Variants in CLASP2 observed in about 807,000 individuals in gnomAD.
CLASP2 encodes CLIP-associating protein 2.
In CLASP2, 47 loss-of-function variants were observed where a neutral mutation model predicts 194.4. The observed-to-expected ratio is 0.24, with a 90% CI of 0.19 to 0.31. The LOEUF (loss-of-function observed/expected upper bound fraction) is 0.31. Among genes scored for constraint, CLASP2 ranks in the 10% least tolerant of loss-of-function variants. CLASP2 has a pLI of 1.00. For synonymous variants in CLASP2, 619 were observed against 633.5 expected (o/e 0.98, Z 0.34); for missense variants, 1,445 against 1,823.6 (o/e 0.79, Z 3.78).
At chr3:33,645,769 G>A (rs2082163234) in intron 7 of CLASP2, among the ~76,000 whole-genome samples, 1 of 152,128 alleles carries the variant, frequency 6.6e-6, no homozygotes, top group South Asian at 2.1e-4. Flanking sequence ...TCATTACTGT[G>A]CATAATTAAC....
chr3:33,527,792 T>A (rs949799143), intron 34 of CLASP2, among the ~76,000 whole-genome samples: 2 of 152,128 alleles, frequency 1.3e-5, no homozygotes, highest in South Asian at 2.1e-4. Flanking sequence ...TTAAAACCCA[T>A]CTTTACTAAA....
At chr3:33,707,811 A>G (rs2092764192) in intron 1 of CLASP2, among the ~76,000 whole-genome samples, 1 of 152,238 alleles carries the variant, frequency 6.6e-6, no homozygotes, top group South Asian at 2.1e-4. Context: ...GAAAATCTAC[A>G]CAAATAAAAC....
chr3:33,671,175 G>T (rs2087113232), intron 6 of CLASP2, among the ~76,000 whole-genome samples: 1 of 152,102 alleles, frequency 6.6e-6, no homozygotes, highest in African/African-American at 2.4e-5. Flanking sequence ...GAAACACTTA[G>T]AAACATTTGT....
At chr3:33,588,333 C>T (rs2067891283) in intron 21 of CLASP2, among the ~76,000 whole-genome samples, 1 of 152,060 alleles carries the variant, frequency 6.6e-6, no homozygotes, top group Non-Finnish European at 1.5e-5. Flanking sequence ...CATGATGTAT[C>T]CAAGGAATAG....
intron 13 of CLASP2, among the ~76,000 whole-genome samples, chr3:33,610,880 C>G (rs2075035993): frequency 6.6e-6 from 1 of 152,302 alleles, no homozygotes; most frequent in South Asian, 2.1e-4. Context: ...CAGCTTCTTC[C>G]TAACACAGTA....
chr3:33,601,180 T>C (rs1560245536), intron 18 of CLASP2, among the ~76,000 whole-genome samples: 1 of 152,100 alleles, frequency 6.6e-6, no homozygotes, highest in Non-Finnish European at 1.5e-5. Context: ...CAGGATGGTC[T>C]CGATCTCCTG....
In CLASP2 at chr3:33,516,089, T is replaced by C. The variant is rs779016494; in HGVS notation, c.4044A>G (p.Arg1348=). The part of the protein sequence containing the change: ...LREILRHQPA[R]FKNYAELTVM... The stretch of plus-strand genomic sequence containing the variant: ...CAGTCAATTCTGCATAGTTTTTAAA[T>C]CTTGCTGGTTGATGCCTTAGGATTT... Residue 1348 remains arginine, a synonymous_variant, in exon 36 of 39, where the codon AGA becomes AGG. Transcript: ENST00000682230. The C allele has an allele frequency of 6.8e-6, 11 of 1,610,264 alleles. No individual in the cohort carries two copies. Among genetic ancestry groups the C allele is most frequent in the Non-Finnish European group, 1.7e-6 (2 of 1,178,126 alleles).
chr3:33,608,422 A>G, intron 14 of CLASP2, 145 bp downstream of exon 14: 1 of 685,412 alleles, frequency 1.5e-6, no homozygotes, highest in Non-Finnish European at 2.6e-6. Context: ...TAAGAGGAGC[A>G]CAACACCACC....
Position 33,514,690 on chromosome 3 carries a change from A to C in CLASP2, c.4110+1333T>G, listed in dbSNP as rs374844200. 3 of 369,148 alleles carry C rather than the reference A, an allele frequency of 8.1e-6. No homozygotes were observed. The East Asian group carries it at 2.3e-4, about 28-fold the overall frequency. 22.9% of individuals were successfully genotyped at this position (369,148 alleles called of 1,614,324 possible). A position where few individuals can be genotyped will look rare whatever the true frequency, so the allele number is the denominator to read the frequency against. ...CTATTGGGTATCTACCTAGAAAAAAAGAAGTCATGATATGAAAAAGATACT... is the reference window on the plus strand; with the variant it reads ...CTATTGGGTATCTACCTAGAAAAAACGAAGTCATGATATGAAAAAGATACT... On this transcript the variant is annotated intron_variant, in intron 36 of 38. Coordinates refer to ENST00000682230, the MANE Select transcript of CLASP2 (RefSeq NM_001365631.1).
intron 7 of CLASP2, among the ~76,000 whole-genome samples, chr3:33,649,581 G>A (rs2082842882): frequency 6.6e-6 from 1 of 151,986 alleles, no homozygotes; most frequent in Non-Finnish European, 1.5e-5. Context: ...TTATAATATA[G>A]TAAAAAATAC....
Position 33,644,791 on chromosome 3 carries a change from C to T in CLASP2, c.828G>A (p.Arg276=). The T allele has an allele frequency of 6.2e-7, 1 of 1,613,400 alleles. No homozygotes were observed. ...TAGGGCCACCTGCTGAACCAGGCTT[C>T]CTTGCACTGTTGGCAGGATTTCCGG... ...KTSGNPANSA[R]KPGSAGGPKV... is the part of the protein sequence containing the mutation. The change falls in exon 8 of 39, where the codon AGG becomes AGA. Residue 276 remains arginine (R), a synonymous_variant. Transcript: ENST00000682230.
intron 8 of CLASP2, among the ~76,000 whole-genome samples, chr3:33,634,716 T>C (rs1366610095): frequency 4.6e-5 from 7 of 152,236 alleles, no homozygotes; most frequent in Admixed American, 6.5e-5. Flanking sequence ...AGATAATGTA[T>C]AGATTAACTG....
Position 33,717,949 on chromosome 3 carries a change from G to A in CLASP2, c.54C>T (p.Val18=), listed in dbSNP as rs2093373072. 1.3e-6 allele frequency: 2 copies of A among 1,545,910 alleles called. No homozygotes were observed. The highest frequency in any genetic ancestry group is 1.7e-6 in the Non-Finnish European group (2 of 1,146,956). The part of the protein sequence containing the change: ...YFCAQVQQKD[V]GGRLQVGQEL... ...CCTGGCCGACCTGCAGCCGGCCGCC[G>A]ACGTCCTTCTGCTGCACCTGGGCGC... The change falls in exon 1 of 39, where the codon GTC becomes GTT. Residue 18 remains valine (V), a synonymous_variant. Coordinates refer to ENST00000682230, the MANE Select transcript of CLASP2 (RefSeq NM_001365631.1).
chr3:33,574,607 T>C (rs2064448023), intron 24 of CLASP2: 1 of 603,402 alleles, frequency 1.7e-6, no homozygotes, highest in Non-Finnish European at 2.8e-6. Flanking sequence ...ACATTACGTT[T>C]TTTTCACACA....
At chr3:33,521,993 A>G (rs2053252200) in intron 34 of CLASP2, among the ~76,000 whole-genome samples, 1 of 151,152 alleles carries the variant, frequency 6.6e-6, no homozygotes, top group South Asian at 2.1e-4. Context: ...TCCTGCGGAT[A>G]CTGAGGACCT....
intron 18 of CLASP2, among the ~76,000 whole-genome samples, chr3:33,598,956 A>G (rs886090006): frequency 2.0e-5 from 3 of 152,158 alleles, no homozygotes; most frequent in African/African-American, 7.2e-5. Context: ...CTGCCAAAAA[A>G]TTCAGTACTT....
chr3:33,515,593 G>C (rs1173038457), intron 36 of CLASP2, among the ~76,000 whole-genome samples: 1 of 152,146 alleles, frequency 6.6e-6, no homozygotes, highest in South Asian at 2.1e-4. Flanking sequence ...AGGCTGCAGT[G>C]AGCTGTGATC....
intron 37 of CLASP2, 110 bp downstream of exon 37, chr3:33,510,444 GCAGA>G (rs1354960601): frequency 5.3e-6 from 5 of 936,658 alleles, no homozygotes; most frequent in Non-Finnish European, 8.2e-6. Flanking sequence ...CCTGAATATT[GCAGA>G]CAAACGGGAG....
In CLASP2 at chr3:33,604,188, C is replaced by A. The variant is rs1331423082; in HGVS notation, c.1716G>T (p.Trp572Cys). 10 of 1,560,212 alleles carry A rather than the reference C, an allele frequency of 6.4e-6. No homozygotes were observed. Among genetic ancestry groups the A allele is most frequent in the Non-Finnish European group, 8.7e-6 (10 of 1,151,080 alleles). ...CCACAGTTGATGGATTTGCTGTAGACCATTTGGAAGAAAAAGGGCGACTGC... is the reference window on the plus strand; with the variant it reads ...CCACAGTTGATGGATTTGCTGTAGAACATTTGGAAGAAAAAGGGCGACTGC... Reference protein sequence around the residue: ...ESLNRPFSSKWSTANPSTVAG... With the variant: ...ESLNRPFSSKCSTANPSTVAG... The change falls in exon 17 of 39, where the codon TGG becomes TGT. Residue 572 changes from tryptophan (W) to cysteine (C), a missense_variant. Trp to Cys is a radical substitution (Grantham distance 215, BLOSUM62 -2). Coordinates refer to ENST00000682230, the MANE Select transcript of CLASP2 (RefSeq NM_001365631.1).
Sources: allele counts gnomAD v4.1 joint callset (sites outside exome capture counted in the v4.1 genomes callset), GRCh38; gene constraint gnomAD v4.1.1; transcripts MANE v1.5; gene names NCBI Gene and HGNC (gene_info 2026-07-23, HGNC 2026-07-21).